The following CD109 variants were observed in gnomAD, a reference collection of about 807,000 sequenced individuals.
CD109 encodes the protein CD109 molecule.
Under a neutral mutation model 165.8 loss-of-function variants are expected in CD109, and 149 were observed. The observed-to-expected ratio is 0.90, with a 90% CI of 0.79 to 1.03. The LOEUF is 1.03. Among genes scored for constraint, CD109 ranks in the 50% least tolerant of loss-of-function variants. CD109 has a pLI of 0.00. For missense variants in CD109, 1,712 were observed against 1,677.8 expected (o/e 1.02, Z -0.36); for synonymous variants, 585 against 592.1 (o/e 0.99, Z 0.18).
At chr6:73,762,196 C>T (rs557793736) in intron 7 of CD109, among the ~76,000 whole-genome samples, 188 bp from the exon 8 acceptor site, 3 of 152,164 alleles carry the variant, frequency 2.0e-5, no homozygotes, top group African/African-American at 7.2e-5. Flanking sequence ...CTCCTGACCT[C>T]GTGATCCACC....
At chr6:73,796,255 C>T (rs900170870) in intron 23 of CD109, among the ~76,000 whole-genome samples, 2 of 152,162 alleles carry the variant, frequency 1.3e-5, no homozygotes, top group Non-Finnish European at 1.5e-5. Flanking sequence ...GCAGTGGGCT[C>T]CCGGCTTCAG....
chr6:73,764,173 G>A (rs528125980), intron 10 of CD109, among the ~76,000 whole-genome samples: 1 of 152,134 alleles, frequency 6.6e-6, no homozygotes, highest in Admixed American at 6.5e-5. Context: ...AGCCAAGAAG[G>A]GCTCAGTCCC....
upstream of CD109, chr6:73,694,852 C>T (rs1045689159): frequency 6.6e-6 from 1 of 152,268 alleles, no homozygotes; most frequent in African/African-American, 2.4e-5. Context: ...CAGGTCAGCA[C>T]CCAGGGATCC....
chr6:73,780,739 GTA>G (rs1774453315), intron 16 of CD109, among the ~76,000 whole-genome samples: 2 of 53,590 alleles, frequency 3.7e-5, no homozygotes, highest in Non-Finnish European at 7.3e-5. Flanking sequence ...TTTCCTTTAT[GTA>G]TATGTATTTC....
At chr6:73,708,911 G>C (rs1771411033) in intron 2 of CD109, among the ~76,000 whole-genome samples, 1 of 152,150 alleles carries the variant, frequency 6.6e-6, no homozygotes, top group African/African-American at 2.4e-5. Flanking sequence ...CCCTTTGTCA[G>C]ATGAGTAGGT....
intron 3 of CD109, 68 bp downstream of exon 3, chr6:73,723,347 T>G: frequency 1.7e-6 from 2 of 1,163,604 alleles, no homozygotes; most frequent in South Asian, 2.7e-5. Context: ...AAATTAATAT[T>G]TTATTGGATT....
At chr6:73,812,459 A>C (rs1582201495) in intron 29 of CD109, among the ~76,000 whole-genome samples, 189 bp downstream of exon 29, 1 of 152,142 alleles carries the variant, frequency 6.6e-6, no homozygotes, top group Non-Finnish European at 1.5e-5. Context: ...AGTAGAGAGC[A>C]ATTATATAGA....
chr6:73,772,798 G>A (rs988330039), intron 15 of CD109, among the ~76,000 whole-genome samples: 22 of 151,810 alleles, frequency 1.4e-4, no homozygotes, highest in Non-Finnish European at 2.6e-4. Context: ...ACTATATATA[G>A]TTGGGTTGAT....
At chr6:73,742,833 AC>A (rs1772843504) in intron 5 of CD109, among the ~76,000 whole-genome samples, 2 of 152,154 alleles carry the variant, frequency 1.3e-5, no homozygotes, top group Non-Finnish European at 2.9e-5. Context: ...TCCAGGTCCC[AC>A]CCCCAGATCA....
At chr6:73,730,128 C>G (rs975996487) in intron 3 of CD109, among the ~76,000 whole-genome samples, 1 of 152,106 alleles carries the variant, frequency 6.6e-6, no homozygotes, top group Non-Finnish European at 1.5e-5. Flanking sequence ...TATGTGTCCC[C>G]CATTCCAGGA....
chr6:73,741,100 CTT>C (rs79222141), intron 5 of CD109, among the ~76,000 whole-genome samples: 6 of 144,226 alleles, frequency 4.2e-5, no homozygotes, highest in Admixed American at 7.0e-5. Flanking sequence ...TATACATAGA[CTT>C]TTTTTTTTTT....
chr6:73,756,425 G>A (rs1219077268), intron 5 of CD109, among the ~76,000 whole-genome samples: 3 of 152,070 alleles, frequency 2.0e-5, no homozygotes, highest in Admixed American at 6.5e-5. Context: ...TTATGCTAAC[G>A]GGTTGGCAAG....
the CD109 span, among the ~76,000 whole-genome samples, chr6:73,688,761 GTTTTTTT>G: frequency 1.2e-4 from 9 of 73,532 alleles, no homozygotes; most frequent in East Asian, 8.6e-4. Context: ...GTTTTTCTTT[GTTTTTTT>G]TTTTTTTTTT....
the CD109 span, among the ~76,000 whole-genome samples, chr6:73,681,867 T>G: frequency 6.6e-6 from 1 of 152,024 alleles, no homozygotes; most frequent in Non-Finnish European, 1.5e-5. Flanking sequence ...CCTCCCAAAG[T>G]GCTGGGATTA....
At chr6:73,770,135 A>C (rs1179871420) in intron 14 of CD109, among the ~76,000 whole-genome samples, 1 of 151,242 alleles carries the variant, frequency 6.6e-6, no homozygotes, top group Non-Finnish European at 1.5e-5. Flanking sequence ...GAATGAGATC[A>C]ATTGGGACTC....
intron 32 of CD109, among the ~76,000 whole-genome samples, chr6:73,820,991 A>G (rs555855185): frequency 1.3e-5 from 2 of 152,110 alleles, no homozygotes; most frequent in African/African-American, 4.8e-5. Context: ...ATAAAAAAGG[A>G]TGAGTTCATG....
chr6:73,729,667 C>A (rs1208118536), intron 3 of CD109, among the ~76,000 whole-genome samples: 3 of 152,002 alleles, frequency 2.0e-5, no homozygotes. Flanking sequence ...GCGCATGCCA[C>A]CACACCTGGG....
At chr6:73,760,550 C>A (rs576628054) in intron 7 of CD109, among the ~76,000 whole-genome samples, 1 of 149,416 alleles carries the variant, frequency 6.7e-6, no homozygotes, top group South Asian at 2.2e-4. Flanking sequence ...ATTTGACTTA[C>A]GAAGCTAAGT....
intron 14 of CD109, 30 bp from the exon 15 acceptor site, chr6:73,771,399 T>A: frequency 6.4e-7 from 1 of 1,568,504 alleles, no homozygotes; most frequent in South Asian, 1.2e-5. Flanking sequence ...AAAAGTGAAA[T>A]AAGTTAATCC....
Sources: allele counts gnomAD v4.1 joint callset (sites outside exome capture counted in the v4.1 genomes callset), GRCh38; gene constraint gnomAD v4.1.1; transcripts MANE v1.5; gene names NCBI Gene and HGNC (gene_info 2026-07-23, HGNC 2026-07-21).